C8orf74: variants seen among roughly 807,000 people sequenced by gnomAD.
C8orf74 encodes the protein chromosome 8 open reading frame 74, also known as uncharacterized protein C8orf74.
Under a neutral mutation model 22.2 loss-of-function variants are expected in C8orf74, and 29 were observed. The ratio of observed to expected loss-of-function variants is 1.31; its 90% CI spans 0.97 to 1.78. The LOEUF is 1.78. C8orf74 is among the 40% of genes most tolerant of loss of function. The pLI, the probability that C8orf74 is intolerant of heterozygous loss-of-function variation, is 0.00. For synonymous variants in C8orf74, 255 were observed against 163.1 expected (o/e 1.56, Z -4.30); for missense variants, 515 against 369.9 (o/e 1.39, Z -3.22).
intron 2 of C8orf74, chr8:10,675,423 T>C (rs950035971): frequency 6.6e-6 from 1 of 152,366 alleles, no homozygotes; most frequent in Non-Finnish European, 1.5e-5. Context: ...AGCAAATACA[T>C]GGGGCAGGCT....
intron 2 of C8orf74, chr8:10,688,390 C>A (rs1284939614): frequency 6.6e-6 from 1 of 152,164 alleles, no homozygotes; most frequent in African/African-American, 2.4e-5. Context: ...ATAACTTCTG[C>A]AAGTGATGAA....
At chr8:10,674,410 T>A (rs111865913) in intron 1 of C8orf74, among the ~76,000 whole-genome samples, 18 of 5,376 alleles carry the variant, frequency 3.3e-3, no homozygotes, top group East Asian at 6.9e-3. Context: ...TATCACACCC[T>A]GTAGCCCCCA....
Position 10,700,395 on chromosome 8 carries a change from C to T in C8orf74, c.809C>T (p.Thr270Ile). ...CCCACCCCTATCCCGCCCCCCATCA[C>T]CAGCCACGCAGGCCAGGAGGAAGCC... Reference protein sequence around the residue: ...NAPTPIPPPITSHAGQEEALK... With the variant: ...NAPTPIPPPIISHAGQEEALK... Residue 270 changes from threonine to isoleucine, a missense_variant, in exon 4 of 4, where the codon ACC becomes ATC. Thr to Ile is a moderately conservative substitution (Grantham distance 89). Coordinates refer to ENST00000304519, the MANE Select transcript of C8orf74 (RefSeq NM_001040032.2). The T allele has an allele frequency of 1.2e-6, 2 of 1,601,716 alleles. No homozygotes were observed. The highest frequency in any genetic ancestry group is 1.7e-6 in the Non-Finnish European group (2 of 1,170,362).
chr8:10,679,383 C>T (rs111380271), intron 2 of C8orf74, among the ~76,000 whole-genome samples: 522 of 152,276 alleles, frequency 3.4e-3, no homozygotes, highest in African/African-American at 0.012. Context: ...CAGTATCGCT[C>T]GTGGAAATCA....
At chr8:10,692,151 C>G (rs1211434748) in intron 2 of C8orf74, 1 of 152,398 alleles carries the variant, frequency 6.6e-6, no homozygotes, top group Admixed American at 6.5e-5. Context: ...CGCTCTGATG[C>G]CCAGCTCTGA....
At chr8:10,688,500 G>A (rs1266955990) in intron 2 of C8orf74, 2 of 152,306 alleles carry the variant, frequency 1.3e-5, no homozygotes, top group African/African-American at 4.8e-5. Context: ...GAGCTTCAAG[G>A]AATGGCCCCA....
chr8:10,682,002 A>T (rs1799161274), intron 2 of C8orf74, among the ~76,000 whole-genome samples: 1 of 152,252 alleles, frequency 6.6e-6, no homozygotes, highest in Non-Finnish European at 1.5e-5. Flanking sequence ...AGCTCCTGGC[A>T]TGACAGTTCT....
chr8:10,694,256 T>C (rs1266313091), intron 2 of C8orf74, among the ~76,000 whole-genome samples: 1 of 152,242 alleles, frequency 6.6e-6, no homozygotes, highest in Non-Finnish European at 1.5e-5. Flanking sequence ...TAGTGCCGAG[T>C]AATTAATAGA....
chr8:10,699,879 C>T (rs765840851), intron 3 of C8orf74, among the ~76,000 whole-genome samples: 1 of 152,238 alleles, frequency 6.6e-6, no homozygotes, highest in African/African-American at 2.4e-5. Flanking sequence ...CTCAAACAGC[C>T]TGGCCGTCAC....
At chr8:10,693,285 C>A (rs1360884545) in intron 2 of C8orf74, among the ~76,000 whole-genome samples, 1 of 152,176 alleles carries the variant, frequency 6.6e-6, no homozygotes, top group Non-Finnish European at 1.5e-5. Flanking sequence ...CCCAGTAAAC[C>A]CCTCTGACCC....
intron 3 of C8orf74, among the ~76,000 whole-genome samples, chr8:10,699,715 C>T (rs1391416927): frequency 6.6e-6 from 1 of 152,182 alleles, no homozygotes; most frequent in Non-Finnish European, 1.5e-5. Flanking sequence ...AAGCAATTTC[C>T]CCTGTCCCCT....
intron 2 of C8orf74, chr8:10,690,744 C>G (rs963976654): frequency 2.5e-6 from 1 of 402,836 alleles, no homozygotes; most frequent in Non-Finnish European, 5.1e-6. Flanking sequence ...CCACCGGAGC[C>G]CCCTGGTCCG....
At chr8:10,684,754 G>C (rs1799225331) in intron 2 of C8orf74, among the ~76,000 whole-genome samples, 1 of 152,184 alleles carries the variant, frequency 6.6e-6, no homozygotes, top group African/African-American at 2.4e-5. Context: ...GATTTTCTTT[G>C]TTTCCTTACG....
At chr8:10,680,847 T>A (rs1247446701) in intron 2 of C8orf74, among the ~76,000 whole-genome samples, 1 of 152,150 alleles carries the variant, frequency 6.6e-6, no homozygotes, top group Non-Finnish European at 1.5e-5. Flanking sequence ...TTTTCCACCT[T>A]GCATCCCACC....
intron 2 of C8orf74, among the ~76,000 whole-genome samples, chr8:10,678,361 A>G (rs938877677): frequency 1.1e-4 from 17 of 152,188 alleles, no homozygotes; most frequent in African/African-American, 3.6e-4. Flanking sequence ...GGAAGCGCCC[A>G]GTGAGTGGCA....
chr8:10,695,658 G>A (rs1799475517), intron 2 of C8orf74, among the ~76,000 whole-genome samples: 1 of 152,176 alleles, frequency 6.6e-6, no homozygotes. Flanking sequence ...GGGAATGGGG[G>A]GTGGGGAGAC....
intron 2 of C8orf74, among the ~76,000 whole-genome samples, chr8:10,696,219 G>A (rs931641769): frequency 6.6e-6 from 1 of 151,940 alleles, no homozygotes; most frequent in Middle Eastern, 3.2e-3. Flanking sequence ...TGAAAGAGTC[G>A]TGAGCAGGAG....
chr8:10,700,346 A>C lies in C8orf74; in HGVS notation c.760A>C (p.Lys254Gln), dbSNP rs1256653002. The C allele has an allele frequency of 1.2e-6, 2 of 1,613,650 alleles. No homozygotes were observed. The highest frequency in any genetic ancestry group is 3.3e-5 in the Admixed American group (2 of 59,994). ...TFAILDLKLQ[K>Q]KTLNLNAPTP... ...CGCCATCTTGGACCTGAAGCTTCAG[A>C]AGAAGACTCTGAACCTCAACGCCCC... Residue 254 changes from lysine (K) to glutamine (Q), a missense_variant, in exon 4 of 4, where the codon AAG becomes CAG. Lys to Gln is a moderately conservative substitution (Grantham distance 53, BLOSUM62 1). Transcript: ENST00000304519.
intron 2 of C8orf74, among the ~76,000 whole-genome samples, chr8:10,693,934 T>C (rs918326435): frequency 6.6e-6 from 1 of 152,194 alleles, no homozygotes; most frequent in African/African-American, 2.4e-5. Flanking sequence ...ATCATCTGCC[T>C]CCACCTTTAG....
Sources: allele counts gnomAD v4.1 joint callset (sites outside exome capture counted in the v4.1 genomes callset), GRCh38; gene constraint gnomAD v4.1.1; transcripts MANE v1.5; gene names NCBI Gene and HGNC (gene_info 2026-07-23, HGNC 2026-07-21).